MKLN1: variants seen among roughly 807,000 people sequenced by gnomAD.
MKLN1 encodes muskelin 1, also known as muskelin.
In MKLN1, 18 loss-of-function variants were observed where a neutral mutation model predicts 99.0. That is an observed-to-expected ratio of 0.18 (90% confidence interval 0.13 to 0.27). The LOEUF is 0.27. Ranked by LOEUF, MKLN1 falls within the 10% of genes least tolerant of loss-of-function variation. The pLI, the probability that MKLN1 is intolerant of heterozygous loss-of-function variation, is 1.00. For synonymous variants in MKLN1, 288 were observed against 293.2 expected, an observed-to-expected ratio of 0.98 and a Z score of 0.18; for missense variants, 621 against 875.9, an observed-to-expected ratio of 0.71 and a Z score of 3.67.
intron 1 of MKLN1, among the ~76,000 whole-genome samples, chr7:131,374,880 A>C (rs983962772): frequency 1.3e-5 from 2 of 151,898 alleles, no homozygotes; most frequent in Non-Finnish European, 2.9e-5. Flanking sequence ...GCTACATGTA[A>C]TATGTATATA....
At chr7:131,235,644 A>ATAGGCTT (rs1797310433) in intron 3 of MKLN1, among the ~76,000 whole-genome samples, 2 of 152,166 alleles carry the variant, frequency 1.3e-5, no homozygotes, top group Admixed American at 1.3e-4. Context: ...GGGGATGTAA[A>ATAGGCTT]TAGGACTTCA....
intron 1 of MKLN1, among the ~76,000 whole-genome samples, chr7:131,354,515 G>A (rs958707141): frequency 1.4e-5 from 2 of 140,822 alleles, no homozygotes; most frequent in Admixed American, 7.0e-5. Flanking sequence ...TTTTTTTTGT[G>A]GGGGGGGGCG....
intron 3 of MKLN1, among the ~76,000 whole-genome samples, chr7:131,245,679 T>C (rs1797476642): frequency 6.6e-6 from 1 of 152,234 alleles, no homozygotes; most frequent in Admixed American, 6.5e-5. Context: ...TACAGGAGCA[T>C]GTCATACAGG....
intron 3 of MKLN1, among the ~76,000 whole-genome samples, chr7:131,244,473 G>A (rs1024134770): frequency 6.6e-6 from 1 of 152,010 alleles, no homozygotes; most frequent in Admixed American, 6.6e-5. Context: ...GAGTCAGCCC[G>A]TGACTCACCT....
intron 2 of MKLN1, among the ~76,000 whole-genome samples, chr7:131,379,850 A>C (rs996813980): frequency 6.6e-6 from 1 of 152,214 alleles, no homozygotes; most frequent in African/African-American, 2.4e-5. Context: ...TGTGCCCACA[A>C]AATTTTTTTT....
intron 5 of MKLN1, among the ~76,000 whole-genome samples, chr7:131,397,884 A>G (rs1794403966): frequency 6.6e-6 from 1 of 152,224 alleles, no homozygotes; most frequent in Non-Finnish European, 1.5e-5. Flanking sequence ...CTGCTGTTTA[A>G]TATAACTGTA....
intron 3 of MKLN1, among the ~76,000 whole-genome samples, chr7:131,304,583 G>A (rs1239211534): frequency 1.3e-5 from 2 of 152,136 alleles, no homozygotes; most frequent in Admixed American, 1.3e-4. Flanking sequence ...CTATGGGATA[G>A]CGCATTGAAT....
In MKLN1 at chr7:131,437,825, A is replaced by G; in HGVS notation, c.1001A>G (p.Asp334Gly). Residue 334 changes from aspartate (D) to glycine (G), a missense_variant, in exon 10 of 18, where the codon GAT (aspartate) becomes GGT (glycine). Asp to Gly is a moderately conservative substitution (Grantham distance 94). This residue lies in a region of MKLN1 where 361 missense variants were observed against 540.8 expected (regional missense o/e 0.67). Coordinates refer to ENST00000352689, the MANE Select transcript of MKLN1 (RefSeq NM_013255.5). ...SARSCHKMCI[D>G]IQRRQIYTLG... ...AGATCGTGTCATAAAATGTGCATTG[A>G]TATTCAACGGAGGCAAATCTACACA... is the stretch of plus-strand genomic sequence containing the variant. The G allele has an allele frequency of 6.2e-7, 1 of 1,613,936 alleles. No individual in the cohort carries two copies. Among genetic ancestry groups the G allele is most frequent in the Non-Finnish European group, 8.5e-7 (1 of 1,179,896 alleles).
chr7:131,286,754 T>C (rs1334647853), intron 3 of MKLN1, among the ~76,000 whole-genome samples: 1 of 152,196 alleles, frequency 6.6e-6, no homozygotes, highest in African/African-American at 2.4e-5. Context: ...AATATTTATA[T>C]AACAAAAGAA....
chr7:131,430,480 T>A (rs1414613769), intron 9 of MKLN1, among the ~76,000 whole-genome samples: 5 of 152,176 alleles, frequency 3.3e-5, no homozygotes, highest in Admixed American at 3.3e-4. Context: ...AACTAACTTT[T>A]TTCTACTAAA....
chr7:131,495,740 G>A lies in MKLN1; in HGVS notation c.*8012G>A, dbSNP rs1214179172. 6.6e-6 allele frequency: 1 copy of A among 152,124 alleles called. No homozygotes were observed. The highest frequency in any genetic ancestry group is 1.5e-5 in the Non-Finnish European group (1 of 68,024). The allele number at this position is 152,124 out of a possible 1,614,324, so 9.4% of individuals were successfully genotyped here. A position where few individuals can be genotyped will look rare whatever the true frequency, so the allele number is the denominator to read the frequency against. On this transcript the variant is annotated 3_prime_UTR_variant, in exon 18 of 18. Coordinates refer to ENST00000352689, the MANE Select transcript of MKLN1 (RefSeq NM_013255.5). ...CAGACAATCCGAAAATAATTGTGTTGATAGGTCTGTTTAAGCCTGAACTCT... is the reference window on the plus strand; with the variant it reads ...CAGACAATCCGAAAATAATTGTGTTAATAGGTCTGTTTAAGCCTGAACTCT...
intron 2 of MKLN1, among the ~76,000 whole-genome samples, chr7:131,200,154 C>T (rs930285389): frequency 6.6e-6 from 1 of 152,134 alleles, no homozygotes; most frequent in Non-Finnish European, 1.5e-5. Context: ...GACTACAGGG[C>T]GTGCCACTGC....
chr7:131,217,893 A>G (rs747852611), intron 3 of MKLN1, among the ~76,000 whole-genome samples: 1 of 152,200 alleles, frequency 6.6e-6, no homozygotes, highest in Non-Finnish European at 1.5e-5. Context: ...AGAAAAGTCA[A>G]TGCAAAACTA....
intron 3 of MKLN1, among the ~76,000 whole-genome samples, chr7:131,259,120 A>AT (rs1554543472): frequency 5.9e-5 from 9 of 152,014 alleles, no homozygotes; most frequent in Non-Finnish European, 7.4e-5. Context: ...TTTTTAAAAA[A>AT]ATATATATAT....
chr7:131,297,317 C>T (rs181046664), intron 3 of MKLN1, among the ~76,000 whole-genome samples: 11 of 152,054 alleles, frequency 7.2e-5, no homozygotes, highest in South Asian at 4.2e-4. Context: ...GCCGAGATAG[C>T]GCCACTGCAC....
chr7:131,438,638 A>G (rs1352627855), intron 10 of MKLN1, among the ~76,000 whole-genome samples: 1 of 151,898 alleles, frequency 6.6e-6, no homozygotes, highest in East Asian at 1.9e-4. Context: ...TACTTATTCC[A>G]TACAAATTCA....
chr7:131,269,570 T>C (rs548641901), intron 3 of MKLN1, among the ~76,000 whole-genome samples: 20 of 152,364 alleles, frequency 1.3e-4, no homozygotes, highest in Non-Finnish European at 2.4e-4. Context: ...ATTTAGCTCA[T>C]TGCAATATGT....
At chr7:131,246,696 C>G (rs1797495241) in intron 3 of MKLN1, among the ~76,000 whole-genome samples, 1 of 151,620 alleles carries the variant, frequency 6.6e-6, no homozygotes, top group South Asian at 2.1e-4. Flanking sequence ...CCATGTTGCC[C>G]AGGCTGGACT....
intron 1 of MKLN1, among the ~76,000 whole-genome samples, chr7:131,351,313 G>C (rs570410875): frequency 2.1e-4 from 32 of 152,008 alleles, no homozygotes; most frequent in Non-Finnish European, 4.3e-4. Context: ...TTTATCCATT[G>C]ATTTGTTGAA....
Sources: gnomAD v4.1 joint callset for allele counts (sites outside exome capture counted in the v4.1 genomes callset) on GRCh38, gnomAD v4.1.1 for gene constraint, gnomAD v4.1.1 regional missense constraint, MANE v1.5 for transcripts, NCBI Gene and HGNC (gene_info 2026-07-23, HGNC 2026-07-21) for gene names.